Variants in DDX49 observed in about 807,000 individuals in gnomAD.
DDX49 encodes probable ATP-dependent RNA helicase DDX49.
A neutral mutation model predicts 56.3 loss-of-function variants in DDX49; 50 were observed. That is an observed-to-expected ratio of 0.89 (90% CI 0.71 to 1.12). The LOEUF (loss-of-function observed/expected upper bound fraction) is 1.12. DDX49 is among the 50% of genes most tolerant of loss of function. DDX49 has a pLI of 0.00. For missense variants in DDX49, 614 were observed against 650.5 expected (o/e 0.94, Z 0.61); for synonymous variants, 269 against 270.6 (o/e 0.99, Z 0.06).
rs2056899418 is a variant in DDX49 at position 18,919,856 on chromosome 19, GGTGA to G, written c.115+3_115+6del. 1.9e-6 allele frequency: 3 copies of G among 1,596,144 alleles called. No individual in the cohort carries two copies. The highest frequency in any genetic ancestry group is 1.1e-5 in the South Asian group (1 of 90,654). On this transcript the variant is annotated splice_donor_variant and splice_donor_region_variant and intron_variant, in intron 1 of 12. Coordinates refer to ENST00000247003, the MANE Select transcript of DDX49 (RefSeq NM_019070.5). LOFTEE classifies it high-confidence loss of function. ...CGGCTGCATCCCCGCCATCCTGGAG[GGTGA>G]GTATGGCCCAGGGCCTTCCCCAAGA...
chr19:18,922,946 T>TGGAA (rs1180085808), intron 6 of DDX49, among the ~76,000 whole-genome samples: 1 of 152,160 alleles, frequency 6.6e-6, no homozygotes, highest in Non-Finnish European at 1.5e-5. Flanking sequence ...CAGCCGTTGA[T>TGGAA]GGAAGGGCCA....
At position 18,924,281 on chromosome 19, in the gene DDX49, C is replaced by T. The variant is rs368523415; in HGVS notation, c.825C>T (p.Thr275=). The T allele has an allele frequency of 1.9e-5, 30 of 1,613,834 alleles. No individual in the cohort carries two copies. The highest frequency in any genetic ancestry group is 1.2e-4 in the South Asian group (11 of 91,092). Reference sequence around the variant, plus strand: ...TGCTGCGCAAATTCAGCTTCCCCACCGTGGCTCTGCACTCCATGATGAAGC... The same window carrying T: ...TGCTGCGCAAATTCAGCTTCCCCACTGTGGCTCTGCACTCCATGATGAAGC... ...CMMLRKFSFP[T]VALHSMMKQK... Residue 275 remains threonine (T), a synonymous_variant, in exon 7 of 13, where the codon ACC becomes ACT. Transcript: ENST00000247003.
At chr19:18,926,201 G>A in intron 9 of DDX49, 102 bp from the exon 10 acceptor site, 1 of 1,240,690 alleles carries the variant, frequency 8.1e-7, no homozygotes, top group Non-Finnish European at 1.1e-6. Context: ...CCCTTGTTCA[G>A]CATCTCCAGG....
At chr19:18,920,445 T>A in intron 1 of DDX49, 135 bp from the exon 2 acceptor site, 1 of 849,096 alleles carries the variant, frequency 1.2e-6, no homozygotes, top group Non-Finnish European at 1.8e-6. Flanking sequence ...GGTAGGAAGC[T>A]GTGGGCATCT....
Position 18,927,836 on chromosome 19 carries a change from G to A in DDX49, c.1173G>A (p.Val391=). Residue 391 remains valine (V), a synonymous_variant, in exon 11 of 13, where the codon GTG becomes GTA. Coordinates refer to ENST00000247003, the MANE Select transcript of DDX49 (RefSeq NM_019070.5). Reference sequence around the variant, plus strand: ...AGATCCTCACACAGGTCAACGTGGTGCGAAGAGAGTGTGAGATCGTGAGTG... The same window carrying A: ...AGATCCTCACACAGGTCAACGTGGTACGAAGAGAGTGTGAGATCGTGAGTG... ...VLQILTQVNV[V]RRECEIKLEA... The A allele has an allele frequency of 1.2e-6, 2 of 1,614,078 alleles. No individual in the cohort carries two copies. The highest frequency in any genetic ancestry group is 1.7e-6 in the Non-Finnish European group (2 of 1,180,016).
At chr19:18,926,400 GTAGAGAAGGA>G in intron 10 of DDX49, 23 bp downstream of exon 10, 4 of 554,224 alleles carry the variant, frequency 7.2e-6, no homozygotes, top group Admixed American at 2.6e-5. Flanking sequence ...GGGGTGGGTG[GTAGAGAAGGA>G]GGGGTGGGGT....
Position 18,921,830 on chromosome 19 carries a change from C to G in DDX49, c.326-13C>G. The G allele has an allele frequency of 1.2e-6, 2 of 1,614,006 alleles. No individual in the cohort carries two copies. Among genetic ancestry groups the G allele is most frequent in the South Asian group, 2.2e-5 (2 of 91,078 alleles). On this transcript the variant is annotated splice_polypyrimidine_tract_variant and intron_variant, in intron 3 of 12. Coordinates refer to ENST00000247003, the MANE Select transcript of DDX49 (RefSeq NM_019070.5). ...CACCTGCCCAGCCCTGCCTCTCATG[C>G]TCTGTCCCCCAGACATGGTGGCCCA...
chr19:18,926,506 C>T (rs2056962918), intron 10 of DDX49, 129 bp downstream of exon 10: 1 of 965,898 alleles, frequency 1.0e-6, no homozygotes, highest in Non-Finnish European at 1.6e-6. Flanking sequence ...TAGGCTGGGG[C>T]TTCCTTCCCT....
At chr19:18,928,092 G>T in intron 12 of DDX49, 36 bp from the exon 13 acceptor site, 2 of 1,612,094 alleles carry the variant, frequency 1.2e-6, no homozygotes, top group East Asian at 2.2e-5. Context: ...GGCGGGGGCC[G>T]CCAGCTCAGC....
intron 10 of DDX49, among the ~76,000 whole-genome samples, chr19:18,926,739 G>A (rs539452174): frequency 1.3e-5 from 2 of 152,256 alleles, no homozygotes; most frequent in South Asian, 2.1e-4. Context: ...ACTTCCTAAG[G>A]TATCTCTGAT....
chr19:18,928,354 A>G lies in DDX49; in HGVS notation c.*38A>G. ...CATCTGCCCAGTCCTTGACTCGTCC[A>G]TGGAGCTGAGGGTCGGAGGAACCTT... On this transcript the variant is annotated 3_prime_UTR_variant, in exon 13 of 13. Transcript: ENST00000247003. 1 of 1,468,550 alleles carries G rather than the reference A, an allele frequency of 6.8e-7. No homozygotes were observed. The highest frequency in any genetic ancestry group is 1.4e-5 in the South Asian group (1 of 70,714). 91.0% of individuals were successfully genotyped at this position (1,468,550 alleles called of 1,614,324 possible).
chr19:18,927,916 G>T, intron 11 of DDX49, 49 bp from the exon 12 acceptor site: 1 of 1,613,960 alleles, frequency 6.2e-7, no homozygotes. Context: ...CTCCCTTCCA[G>T]GTGGGGCCCC....
At position 18,919,861 on chromosome 19, in the gene DDX49, G is replaced by C; in HGVS notation, c.115+5G>C. On this transcript the variant is annotated splice_donor_5th_base_variant and intron_variant, in intron 1 of 12. Transcript: ENST00000247003. ...GCATCCCCGCCATCCTGGAGGGTGAGTATGGCCCAGGGCCTTCCCCAAGAG... is the reference window on the plus strand; with the variant it reads ...GCATCCCCGCCATCCTGGAGGGTGACTATGGCCCAGGGCCTTCCCCAAGAG... 1.3e-6 allele frequency: 2 copies of C among 1,591,624 alleles called. No individual in the cohort carries two copies. Among genetic ancestry groups the C allele is most frequent in the Non-Finnish European group, 1.7e-6 (2 of 1,162,016 alleles).
At position 18,921,768 on chromosome 19, in the gene DDX49, G is replaced by GTTC; in HGVS notation, c.325+20_325+21insTTC. On this transcript the variant is annotated intron_variant, in intron 3 of 12. Coordinates refer to ENST00000247003, the MANE Select transcript of DDX49 (RefSeq NM_019070.5). ...GCATGGGTACGGGAGCTGGGAGGCG[G>GTTC]GGGAAGCCCCAGCATGGGACCCTAG... The GTTC allele has an allele frequency of 1.2e-6, 2 of 1,614,110 alleles. No individual in the cohort carries two copies. The highest frequency in any genetic ancestry group is 1.7e-6 in the Non-Finnish European group (2 of 1,180,010).
Position 18,920,497 on chromosome 19 carries a change from C to T in DDX49, c.116-83C>T, listed in dbSNP as rs758380147. 9.2e-5 allele frequency: 132 copies of T among 1,435,344 alleles called. No individual in the cohort carries two copies. The South Asian group carries it at 1.0e-3, about 11-fold the overall frequency. 88.9% of individuals were successfully genotyped at this position (1,435,344 alleles called of 1,614,324 possible). On this transcript the variant is annotated intron_variant, in intron 1 of 12. Transcript: ENST00000247003. ...GGGTTCCAGTCCAGCCTGCCACTCACTGGCAGTGTGTCCTGGGCAAGGTCT... is the reference window on the plus strand; with the variant it reads ...GGGTTCCAGTCCAGCCTGCCACTCATTGGCAGTGTGTCCTGGGCAAGGTCT...
intron 10 of DDX49, 56 bp from the exon 11 acceptor site, chr19:18,927,710 C>T: frequency 2.0e-6 from 3 of 1,513,582 alleles, no homozygotes; most frequent in South Asian, 1.1e-5. Flanking sequence ...GGCTGAACTC[C>T]CTCTCCATGT....
chr19:18,919,727 C>G lies in DDX49; in HGVS notation c.-15C>G. 1 of 1,604,722 alleles carries G rather than the reference C, an allele frequency of 6.2e-7. No individual in the cohort carries two copies. Among genetic ancestry groups the G allele is most frequent in the Non-Finnish European group, 8.5e-7 (1 of 1,173,198 alleles). On this transcript the variant is annotated 5_prime_UTR_variant, in exon 1 of 13. Coordinates refer to ENST00000247003, the MANE Select transcript of DDX49 (RefSeq NM_019070.5). ...CACGGGCCCCTACAAGGGGCCCCTA[C>G]AAGCGGCCACAAGGATGGCAGGCTT... is the stretch of plus-strand genomic sequence containing the variant.
rs1319930566 is a variant in DDX49, at chr19:18,922,719, A to G, written c.751A>G (p.Ile251Val). Residue 251 changes from isoleucine to valine, a missense_variant, in exon 6 of 13, where the codon ATT becomes GTT. Physicochemically the swap from Ile to Val is conservative, Grantham distance 29. Coordinates refer to ENST00000247003, the MANE Select transcript of DDX49 (RefSeq NM_019070.5). The part of the protein sequence containing the change: ...RFQDEHEDWS[I>V]IIFTNTCKTC... ...CCAGGATGAGCACGAGGACTGGTCC[A>G]TTATCATCTTCACCAACACGTGCAA... 3.1e-6 allele frequency: 5 copies of G among 1,613,754 alleles called. No homozygotes were observed. Among genetic ancestry groups the G allele is most frequent in the Non-Finnish European group, 3.4e-6 (4 of 1,179,914 alleles).
At position 18,924,706 on chromosome 19, in the gene DDX49, A is replaced by T; in HGVS notation, c.929+7A>T. The T allele has an allele frequency of 2.5e-6, 4 of 1,614,194 alleles. No homozygotes were observed. The highest frequency in any genetic ancestry group is 3.4e-6 in the Non-Finnish European group (4 of 1,180,020). On this transcript the variant is annotated splice_region_variant and intron_variant, in intron 8 of 12. Transcript: ENST00000247003. ...CAACAGACGTGGCCTCCCGGTGAGC[A>T]GCCCCCAGTCTCCTGCCAAGGGCAC...
Sources: gnomAD v4.1 joint callset for allele counts (sites outside exome capture counted in the v4.1 genomes callset) on GRCh38, gnomAD v4.1.1 for gene constraint, MANE v1.5 for transcripts, NCBI Gene and HGNC (gene_info 2026-07-23, HGNC 2026-07-21) for gene names.